The following BRINP3 variants were observed in gnomAD, a reference collection of about 807,000 sequenced individuals.
BRINP3 encodes BMP/retinoic acid inducible neural specific 3.
Under a neutral mutation model 71.0 loss-of-function variants are expected in BRINP3, and 19 were observed. That is an observed-to-expected ratio of 0.27 (90% CI 0.19 to 0.39). BRINP3 has a LOEUF of 0.39. BRINP3 is among the 10% of genes least tolerant of loss of function. The pLI, the probability that BRINP3 is intolerant of heterozygous loss-of-function variation, is 1.00. For missense variants in BRINP3, 959 were observed against 940.8 expected (o/e 1.02, Z -0.25); for synonymous variants, 380 against 337.7 (o/e 1.13, Z -1.37).
At chr1:190,414,941 A>G (rs1440912872) in intron 2 of BRINP3, among the ~76,000 whole-genome samples, 1 of 152,214 alleles carries the variant, frequency 6.6e-6, no homozygotes, top group Non-Finnish European at 1.5e-5. Context: ...TCTTGAGACT[A>G]AAGACAGACT....
At chr1:190,461,061 A>C (rs534318469) in intron 1 of BRINP3, among the ~76,000 whole-genome samples, 26 of 152,294 alleles carry the variant, frequency 1.7e-4, no homozygotes, top group African/African-American at 6.0e-4. Context: ...GATCTTACTA[A>C]AAAGTTAAAT....
intron 2 of BRINP3, among the ~76,000 whole-genome samples, chr1:190,308,793 C>A (rs368080404): frequency 2.0e-5 from 3 of 151,886 alleles, no homozygotes; most frequent in African/African-American, 4.8e-5. Flanking sequence ...TATAGCATTG[C>A]CATATGTTAA....
intron 6 of BRINP3, among the ~76,000 whole-genome samples, chr1:190,166,600 G>A (rs1162124947): frequency 6.6e-6 from 1 of 152,186 alleles, no homozygotes; most frequent in Non-Finnish European, 1.5e-5. Context: ...CAAAGACAAA[G>A]AGAGTGCCTA....
At chr1:190,371,203 G>T (rs1444238138) in intron 2 of BRINP3, among the ~76,000 whole-genome samples, 1 of 152,020 alleles carries the variant, frequency 6.6e-6, no homozygotes, top group Non-Finnish European at 1.5e-5. Context: ...ATGTATTTTT[G>T]TATTTGTTGC....
intron 2 of BRINP3, among the ~76,000 whole-genome samples, chr1:190,283,674 A>C (rs1663208185): frequency 6.7e-6 from 1 of 149,142 alleles, no homozygotes; most frequent in Admixed American, 6.7e-5. Context: ...TATATAAATA[A>C]AAATTTAAAC....
intron 2 of BRINP3, among the ~76,000 whole-genome samples, chr1:190,411,634 A>C (rs1672668369): frequency 6.6e-6 from 1 of 152,172 alleles, no homozygotes; most frequent in Non-Finnish European, 1.5e-5. Flanking sequence ...GAAGGCTTTG[A>C]GGAAATATGG....
rs188409108 is a variant in BRINP3, at chr1:190,132,271, T to G, written c.1184+28397A>C. Among the ~76,000 whole-genome samples the G allele has an allele frequency of 6.2e-4, 94 of 152,232 alleles. 1 individual carries two copies. Among genetic ancestry groups the G allele is most frequent in the Admixed American group, 1.4e-3 (22 of 15,256 alleles). On this transcript the variant is annotated intron_variant, in intron 7 of 7. Transcript: ENST00000367462. ...ATCATTCTTTAAATCTTACCTAACA[T>G]TATAACTTCATTGTGAAACTTTTAT...
chr1:190,449,224 T>C (rs1383869354), intron 2 of BRINP3, among the ~76,000 whole-genome samples: 2 of 152,062 alleles, frequency 1.3e-5, no homozygotes, highest in African/African-American at 4.8e-5. Context: ...GGCTACATTT[T>C]ATTTTATTTG....
intron 2 of BRINP3, among the ~76,000 whole-genome samples, chr1:190,320,813 A>AAT (rs1666188039): frequency 6.6e-6 from 1 of 152,074 alleles, no homozygotes; most frequent in South Asian, 2.1e-4. Flanking sequence ...ATGTACATAC[A>AAT]TGCTCATGAT....
intron 6 of BRINP3, among the ~76,000 whole-genome samples, chr1:190,212,308 A>G (rs891705001): frequency 5.3e-5 from 8 of 152,112 alleles, no homozygotes; most frequent in Admixed American, 4.6e-4. Flanking sequence ...AAGAGATTAA[A>G]TGACTTTCTA....
chr1:190,193,754 G>A (rs781629411), intron 6 of BRINP3, among the ~76,000 whole-genome samples: 28 of 152,032 alleles, frequency 1.8e-4, no homozygotes, highest in Non-Finnish European at 3.1e-4. Context: ...CCTTTGAGAT[G>A]CAAATCTACT....
intron 7 of BRINP3, among the ~76,000 whole-genome samples, chr1:190,134,942 G>C (rs986079700): frequency 1.3e-5 from 2 of 152,056 alleles, no homozygotes; most frequent in Non-Finnish European, 2.9e-5. Context: ...TTTACTACAG[G>C]TTTAGTGACA....
At chr1:190,107,454 TA>T (rs943258462) in intron 7 of BRINP3, among the ~76,000 whole-genome samples, 6 of 151,984 alleles carry the variant, frequency 3.9e-5, no homozygotes, top group African/African-American at 1.4e-4. Flanking sequence ...CAATTTTTCT[TA>T]CCCTAAATGA....
chr1:190,208,156 C>G (rs1000437856), intron 6 of BRINP3, among the ~76,000 whole-genome samples: 2 of 151,492 alleles, frequency 1.3e-5, no homozygotes, highest in Non-Finnish European at 2.9e-5. Context: ...GGCTAGGGGA[C>G]TCACTATGTT....
At chr1:190,230,563 A>G (rs1657873043) in intron 5 of BRINP3, among the ~76,000 whole-genome samples, 1 of 151,922 alleles carries the variant, frequency 6.6e-6, no homozygotes, top group Non-Finnish European at 1.5e-5. Flanking sequence ...ATATATGTAC[A>G]AATGAAATAT....
chr1:190,464,792 G>A (rs1676629797), intron 1 of BRINP3, among the ~76,000 whole-genome samples: 1 of 151,846 alleles, frequency 6.6e-6, no homozygotes, highest in African/African-American at 2.4e-5. Flanking sequence ...CCTCAGAAAT[G>A]CATTCTTCTA....
intron 6 of BRINP3, among the ~76,000 whole-genome samples, chr1:190,170,277 G>C (rs1442190403): frequency 6.6e-6 from 1 of 151,976 alleles, no homozygotes; most frequent in Non-Finnish European, 1.5e-5. Flanking sequence ...TAATAGACCT[G>C]AGGAAATATA....
At chr1:190,458,157 C>G (rs1676135572) in intron 1 of BRINP3, among the ~76,000 whole-genome samples, 1 of 151,890 alleles carries the variant, frequency 6.6e-6, no homozygotes, top group Admixed American at 6.6e-5. Context: ...TTTTCTACTT[C>G]TGACTTTGGG....
intron 6 of BRINP3, among the ~76,000 whole-genome samples, chr1:190,214,398 T>C (rs934235329): frequency 6.6e-6 from 1 of 152,026 alleles, no homozygotes; most frequent in African/African-American, 2.4e-5. Context: ...TTTTGTTCTG[T>C]TTATCTTGGG....
Sources: gnomAD v4.1 joint callset for allele counts (sites outside exome capture counted in the v4.1 genomes callset) on GRCh38, gnomAD v4.1.1 for gene constraint, MANE v1.5 for transcripts, NCBI Gene and HGNC (gene_info 2026-07-23, HGNC 2026-07-21) for gene names.